Variants in MITF observed in about 807,000 individuals in gnomAD.
MITF encodes the protein microphthalmia-associated transcription factor.
MITF carries 17 observed loss-of-function variants against 60.5 expected under a neutral mutation model. The observed-to-expected ratio is 0.28, with a 90% CI of 0.19 to 0.42. MITF has a LOEUF of 0.42. Among genes scored for constraint, MITF ranks in the 10% least tolerant of loss-of-function variants. The pLI is 1.00. For missense variants in MITF, 622 were observed against 683.5 expected (o/e 0.91, Z 1.00); for synonymous variants, 260 against 248.5 (o/e 1.05, Z -0.43).
Position 69,959,424 on chromosome 3 carries a change from C to T in MITF, c.1179+4C>T, listed in dbSNP as rs749869303. On this transcript the variant is annotated splice_donor_region_variant and intron_variant, in intron 9 of 9. Coordinates refer to ENST00000352241, the MANE Select transcript of MITF (RefSeq NM_001354604.2). ...GCATTTGTTGCTCAGAATACAGGTA[C>T]GCAGCCTGAGTTGTGTAAAGTTTAC... 7.8e-5 allele frequency: 126 copies of T among 1,613,658 alleles called. No individual in the cohort carries two copies. The highest frequency in any genetic ancestry group is 9.4e-5 in the Non-Finnish European group (111 of 1,179,812).
chr3:69,951,987 C>T, intron 7 of MITF, 101 bp downstream of exon 7: 1 of 862,716 alleles, frequency 1.2e-6, no homozygotes, highest in Non-Finnish European at 1.9e-6. Context: ...ATTCCTACAG[C>T]TGTTAAAATT....
At position 69,920,525 on chromosome 3, in the gene MITF, T is replaced by G. The variant is rs189357016; in HGVS notation, c.355-17297T>G. Among the ~76,000 whole-genome samples, 4 of 152,244 alleles carry G rather than the reference T, an allele frequency of 2.6e-5. No homozygotes were observed. In the East Asian group the frequency reaches 5.8e-4, roughly 22 times the overall value. On this transcript the variant is annotated intron_variant, in intron 2 of 9. Transcript: ENST00000352241. ...AGCAGTAGTAAATTAGTGAAAGTAA[T>G]AATAGTCTCTGATATGCAGAAATAA...
At position 69,797,420 on chromosome 3, in the gene MITF, A is replaced by G. The variant is rs112176112; in HGVS notation, c.104+57719A>G. Reference sequence around the variant, plus strand: ...AATATTTTCTGGGAATGAATGGACTACAGAAAAGAAATGGATTCTTTTGGC... The same window carrying G: ...AATATTTTCTGGGAATGAATGGACTGCAGAAAAGAAATGGATTCTTTTGGC... On this transcript the variant is annotated intron_variant, in intron 1 of 9. Coordinates refer to ENST00000352241, the MANE Select transcript of MITF (RefSeq NM_001354604.2). Among the ~76,000 whole-genome samples the G allele has an allele frequency of 4.3e-3, 660 of 152,290 alleles. 6 individuals carry two copies. The highest frequency in any genetic ancestry group is 0.015 in the African/African-American group (613 of 41,556).
Position 69,965,616 on chromosome 3 carries a change from G to A in MITF, c.*368G>A, listed in dbSNP as rs2066671530. ...CCTGTGACTTCCTTGGAAATCAAAT[G>A]TAAAGTTTAATTGAAAGAATGTAAA... On this transcript the variant is annotated 3_prime_UTR_variant, in exon 10 of 10. Transcript: ENST00000352241. The A allele has an allele frequency of 4.1e-6, 1 of 243,538 alleles. No individual in the cohort carries two copies. The highest frequency in any genetic ancestry group is 8.0e-6 in the Non-Finnish European group (1 of 124,406). 15.1% of individuals were successfully genotyped at this position (243,538 alleles called of 1,614,324 possible).
At chr3:69,909,961 C>G (rs1464918123) in intron 2 of MITF, among the ~76,000 whole-genome samples, 1 of 152,152 alleles carries the variant, frequency 6.6e-6, no homozygotes, top group East Asian at 1.9e-4. Context: ...ATGTTAATCC[C>G]CAAGATCATG....
intron 1 of MITF, among the ~76,000 whole-genome samples, chr3:69,824,350 C>T (rs1047214145): frequency 3.9e-5 from 6 of 152,140 alleles, no homozygotes; most frequent in African/African-American, 1.4e-4. Flanking sequence ...ATATCAATAG[C>T]ATGCATATGG....
intron 2 of MITF, among the ~76,000 whole-genome samples, chr3:69,905,790 G>A (rs760598214): frequency 1.3e-5 from 2 of 151,862 alleles, no homozygotes; most frequent in African/African-American, 2.4e-5. Flanking sequence ...TGCCATCTCC[G>A]TATTTTCTTT....
chr3:69,945,931 T>A (rs2066084091), intron 5 of MITF, among the ~76,000 whole-genome samples: 1 of 152,226 alleles, frequency 6.6e-6, no homozygotes, highest in African/African-American at 2.4e-5. Context: ...TAGATTTGCA[T>A]TGCAGTCTGG....
Position 69,917,798 on chromosome 3 carries a change from G to A in MITF, c.355-20024G>A, listed in dbSNP as rs556626504. Reference sequence around the variant, plus strand: ...TGGTTGGTACATTTTATGTCTTAGGGATATGTATAGATCCTCCTTTAGAAA... The same window carrying A: ...TGGTTGGTACATTTTATGTCTTAGGAATATGTATAGATCCTCCTTTAGAAA... On this transcript the variant is annotated intron_variant, in intron 2 of 9. Transcript: ENST00000352241. Among the ~76,000 whole-genome samples, 108 of 152,052 alleles carry A rather than the reference G, an allele frequency of 7.1e-4. 2 individuals are homozygous for A. Among genetic ancestry groups the A allele is most frequent in the Non-Finnish European group, 4.7e-4 (32 of 67,924 alleles).
chr3:69,766,641 A>G (rs1365206080), intron 1 of MITF, among the ~76,000 whole-genome samples: 4 of 152,134 alleles, frequency 2.6e-5, no homozygotes, highest in Admixed American at 2.6e-4. Flanking sequence ...TTGCAGACCT[A>G]TCTGTGCTGC....
At chr3:69,960,608 T>C (rs1177295172) in intron 9 of MITF, among the ~76,000 whole-genome samples, 1 of 152,196 alleles carries the variant, frequency 6.6e-6, no homozygotes, top group African/African-American at 2.4e-5. Context: ...AGTGACACCA[T>C]ATCTTCTTCT....
chr3:69,772,443 C>T (rs1264538763), intron 1 of MITF, among the ~76,000 whole-genome samples: 1 of 152,150 alleles, frequency 6.6e-6, no homozygotes, highest in Non-Finnish European at 1.5e-5. Context: ...TCTAAGCAAA[C>T]CATCCTTTTC....
chr3:69,836,095 G>T (rs62252226), intron 1 of MITF, among the ~76,000 whole-genome samples: 6 of 151,790 alleles, frequency 4.0e-5, no homozygotes, highest in Admixed American at 3.9e-4. Flanking sequence ...TAATTCTTTC[G>T]GTTCATGGAC....
chr3:69,857,599 T>C (rs2063942119), intron 1 of MITF, among the ~76,000 whole-genome samples: 2 of 151,978 alleles, frequency 1.3e-5, no homozygotes, highest in Admixed American at 1.3e-4. Flanking sequence ...AGATCAAGTA[T>C]AGGAACTAAA....
rs1272752835 is a variant in MITF at position 69,899,571 on chromosome 3, A to T, written c.354+20188A>T. Among the ~76,000 whole-genome samples the T allele has an allele frequency of 3.3e-5, 5 of 152,288 alleles. No homozygotes were observed. In the East Asian group the frequency reaches 9.7e-4, roughly 29 times the overall value. On this transcript the variant is annotated intron_variant, in intron 2 of 9. Transcript: ENST00000352241. ...ACATGGGTACATGGCACGGAGAAGG[A>T]TTCTCATCTCAGGGGGTTATCATTC...
chr3:69,919,631 C>T (rs2065417053), intron 2 of MITF, among the ~76,000 whole-genome samples: 3 of 152,124 alleles, frequency 2.0e-5, no homozygotes, highest in Admixed American at 6.5e-5. Flanking sequence ...GCACAATGTG[C>T]CTCTTGCCCC....
chr3:69,836,489 G>A (rs77435340), intron 1 of MITF, among the ~76,000 whole-genome samples: 1,586 of 152,314 alleles, frequency 0.01, 33 homozygotes, highest in African/African-American at 0.036. Context: ...CTGGCGTTGA[G>A]TAGGGTGTGT....
intron 1 of MITF, among the ~76,000 whole-genome samples, chr3:69,757,003 A>G (rs996052235): frequency 3.9e-5 from 6 of 151,972 alleles, no homozygotes; most frequent in Admixed American, 1.3e-4. Context: ...GTAAATTTGT[A>G]TAAGTTCCTT....
At chr3:69,900,993 A>G (rs1210150309) in intron 2 of MITF, among the ~76,000 whole-genome samples, 1 of 152,068 alleles carries the variant, frequency 6.6e-6, no homozygotes, top group East Asian at 1.9e-4. Flanking sequence ...GGTGTTTTCA[A>G]TTAAAAAACA....
Sources: allele counts gnomAD v4.1 joint callset (sites outside exome capture counted in the v4.1 genomes callset), GRCh38; gene constraint gnomAD v4.1.1; transcripts MANE v1.5; gene names NCBI Gene and HGNC (gene_info 2026-07-23, HGNC 2026-07-21).